HSPA8: variants seen among roughly 807,000 people sequenced by gnomAD.
The protein encoded by HSPA8 is heat shock cognate 71 kDa protein.
A neutral mutation model predicts 52.8 loss-of-function variants in HSPA8; 2 were observed. That is an observed-to-expected ratio of 0.04 (90% CI 0.02 to 0.12). The LOEUF is 0.12. Ranked by LOEUF, HSPA8 falls within the 10% of genes least tolerant of loss-of-function variation. The probability of loss-of-function intolerance (pLI) is 1.00; values close to 1 mark genes in which losing one functional copy is unlikely to be tolerated. For synonymous variants in HSPA8, 436 were observed against 274.0 expected, an observed-to-expected ratio of 1.59 and a Z score of -5.84; for missense variants, 349 against 800.5, an observed-to-expected ratio of 0.44 and a Z score of 6.81.
intron 5 of HSPA8, 55 bp from the exon 6 acceptor site, chr11:123,059,316 C>T: frequency 6.7e-7 from 1 of 1,494,970 alleles, no homozygotes; most frequent in Non-Finnish European, 9.3e-7. Context: ...CAGTACATAG[C>T]TCCTGTTTTA....
Position 123,060,215 on chromosome 11 carries a change from A to G in HSPA8, c.465T>C (p.Arg155=), listed in dbSNP as rs1382295901. The G allele has an allele frequency of 6.2e-7, 1 of 1,614,046 alleles. No individual in the cohort carries two copies. Among genetic ancestry groups the G allele is most frequent in the Non-Finnish European group, 8.5e-7 (1 of 1,179,958 alleles). ...TVPAYFNDSQ[R]QATKDAGTIA... is the part of the protein sequence containing the mutation. ...TAGTTCCAGCATCTTTGGTAGCCTG[A>G]CGCTGAGAGTCATTAAAGTAAGCTG... The change falls in exon 4 of 9, where the codon CGT becomes CGC. Residue 155 remains arginine (R), a synonymous_variant. Coordinates refer to ENST00000534624, the MANE Select transcript of HSPA8 (RefSeq NM_006597.6).
chr11:123,061,638 C>G, intron 1 of HSPA8: 1 of 417,492 alleles, frequency 2.4e-6, no homozygotes, highest in Non-Finnish European at 4.4e-6. Context: ...CCAGTGCCCC[C>G]GGGAGTCAAC....
At chr11:123,058,132 G>A (rs909445156) in intron 8 of HSPA8, 120 bp downstream of exon 8, 30 of 761,216 alleles carry the variant, frequency 3.9e-5, no homozygotes, top group Middle Eastern at 2.5e-4. Flanking sequence ...GGTGGAAACC[G>A]CGAATGTTTT....
At position 123,058,242 on chromosome 11, in the gene HSPA8, AAAC is replaced by A; in HGVS notation, c.1755+7_1755+9del. ...GTGGGGGAGGAAAAAAAAAAAAAAA[AAAC>A]ACAAACCTGATTCTTATCAAGCCAG... On this transcript the variant is annotated splice_region_variant and intron_variant, in intron 8 of 8. Transcript: ENST00000534624. The A allele has an allele frequency of 6.6e-7, 1 of 1,517,604 alleles. No individual in the cohort carries two copies. 94.0% of individuals were successfully genotyped at this position (1,517,604 alleles called of 1,614,324 possible). A position where few individuals can be genotyped will look rare whatever the true frequency, so the allele number is the denominator to read the frequency against.
At position 123,061,235 on chromosome 11, in the gene HSPA8, G is replaced by A; in HGVS notation, c.90C>T (p.Ala30=). ...GAGTGGTTCGGTTTCCCTGATCATT[G>A]GCAATTATCTCGACTTTTCCGTGCT... ...VFQHGKVEII[A]NDQGNRTTPS... Residue 30 remains alanine, a synonymous_variant, in exon 2 of 9, where the codon GCC becomes GCT. Coordinates refer to ENST00000534624, the MANE Select transcript of HSPA8 (RefSeq NM_006597.6). The A allele has an allele frequency of 1.9e-6, 3 of 1,613,810 alleles. No homozygotes were observed. The highest frequency in any genetic ancestry group is 1.7e-6 in the Non-Finnish European group (2 of 1,179,782).
intron 1 of HSPA8, 123 bp downstream of exon 1, chr11:123,061,938 TAGA>T (rs1360675856): frequency 2.6e-5 from 4 of 156,510 alleles, no homozygotes; most frequent in Non-Finnish European, 5.6e-5. Context: ...TTTAAGCCGG[TAGA>T]AGGAGCCGCA....
At chr11:123,062,400 A>G (rs1437946094), upstream of HSPA8, 4 of 152,360 alleles carry the variant, frequency 2.6e-5, no homozygotes, top group African/African-American at 9.7e-5. Flanking sequence ...GGCCCCGGGG[A>G]AAGGGAGGGT....
At chr11:123,061,088 A>G (rs1305573184) in intron 2 of HSPA8, 32 bp downstream of exon 2, 2 of 1,580,538 alleles carry the variant, frequency 1.3e-6, no homozygotes, top group South Asian at 1.1e-5. Flanking sequence ...GCCCTGTTAT[A>G]TTTGTTCTGT....
rs758117987 is a variant in HSPA8 at position 123,059,765 on chromosome 11, G to A, written c.828C>T (p.Ser276=). 5 of 1,613,914 alleles carry A rather than the reference G, an allele frequency of 3.1e-6. No homozygotes were observed. The highest frequency in any genetic ancestry group is 4.2e-6 in the Non-Finnish European group (5 of 1,179,872). ...CGATCTCAATACTGGCCTGGGTGCT[G>A]GAAGAGAGGGTACGCTTAGCACGTT... ...ACERAKRTLS[S]STQASIEIDS... is the part of the protein sequence containing the mutation. The change falls in exon 5 of 9, where the codon TCC becomes TCT. Residue 276 remains serine (S), a synonymous_variant. Transcript: ENST00000534624.
At position 123,059,529 on chromosome 11, in the gene HSPA8, T is replaced by C. The variant is rs1251414344; in HGVS notation, c.1064A>G (p.Asn355Ser). The change falls in exon 5 of 9, where the codon AAT becomes AGT. Residue 355 changes from asparagine to serine, a missense_variant. Asn to Ser is a conservative substitution (Grantham distance 46). Transcript: ENST00000534624. ...GATGCTCTTATTCAGTTCTTTTCCA[T>C]TGAAGAAGTCTTGGAGAAGCTTCTG... Reference protein sequence around the residue: ...KIQKLLQDFFNGKELNKSINP... With the variant: ...KIQKLLQDFFSGKELNKSINP... 3.1e-6 allele frequency: 5 copies of C among 1,614,122 alleles called. No homozygotes were observed. The highest frequency in any genetic ancestry group is 4.2e-6 in the Non-Finnish European group (5 of 1,179,988).
In HSPA8 at chr11:123,061,036, A is replaced by G. The variant is rs531573882; in HGVS notation, c.205+84T>C. The G allele has an allele frequency of 1.2e-3, 1,549 of 1,256,168 alleles. 9 individuals are homozygous for G. Among genetic ancestry groups the G allele is most frequent in the Middle Eastern group, 9.6e-4 (5 of 5,206 alleles). The allele number at this position is 1,256,168 out of a possible 1,614,324, so 77.8% of individuals were successfully genotyped here. A position where few individuals can be genotyped will look rare whatever the true frequency, so the allele number is the denominator to read the frequency against. On this transcript the variant is annotated intron_variant, in intron 2 of 8. Transcript: ENST00000534624. ...TCTCAGCTCAGTTTTTCTAAAATCA[A>G]AAAGTTCCCTCCTCACGTTTCATAA...
chr11:123,058,131 C>A (rs1865365482), intron 8 of HSPA8, 121 bp downstream of exon 8: 1 of 759,120 alleles, frequency 1.3e-6, no homozygotes, highest in African/African-American at 1.8e-5. Flanking sequence ...TGGTGGAAAC[C>A]GCGAATGTTT....
rs1434520321 is a variant in HSPA8, at chr11:123,057,672, G to A, written c.*62C>T. 20 of 1,368,186 alleles carry A rather than the reference G, an allele frequency of 1.5e-5. No individual in the cohort carries two copies. The highest frequency in any genetic ancestry group is 7.2e-5 in the East Asian group (3 of 41,544). 84.8% of individuals were successfully genotyped at this position (1,368,186 alleles called of 1,614,324 possible). Reference sequence around the variant, plus strand: ...TTAAAACTGCCACAGAATTTGCTACGAATTTAGGTCCTTCAAATGTTTTAA... The same window carrying A: ...TTAAAACTGCCACAGAATTTGCTACAAATTTAGGTCCTTCAAATGTTTTAA... On this transcript the variant is annotated 3_prime_UTR_variant, in exon 9 of 9. Coordinates refer to ENST00000534624, the MANE Select transcript of HSPA8 (RefSeq NM_006597.6).
intron 1 of HSPA8, 80 bp downstream of exon 1, chr11:123,061,984 A>G (rs1417993700): frequency 1.3e-5 from 2 of 155,648 alleles, no homozygotes; most frequent in Non-Finnish European, 2.8e-5. Flanking sequence ...AGAACCCCCA[A>G]GCCTCAGCAA....
In HSPA8 at chr11:123,058,369, G is replaced by A. The variant is rs1591435886; in HGVS notation, c.1638C>T (p.Ala546=). 6.2e-7 allele frequency: 1 copy of A among 1,612,852 alleles called. No homozygotes were observed. The highest frequency in any genetic ancestry group is 8.5e-7 in the Non-Finnish European group (1 of 1,178,922). Residue 546 remains alanine, a synonymous_variant, in exon 8 of 9, where the codon GCC becomes GCT. Transcript: ENST00000534624. Reference sequence around the variant, plus strand: ...CTTCAACAGTTGCTTTCATGTTGAAGGCATAGGACTCAAGTGAATTCTTGG... The same window carrying A: ...CTTCAACAGTTGCTTTCATGTTGAAAGCATAGGACTCAAGTGAATTCTTGG... The part of the protein sequence containing the change: ...VSSKNSLESY[A]FNMKATVEDE...
At chr11:123,059,396 A>T in intron 5 of HSPA8, 77 bp downstream of exon 5, 3 of 1,372,332 alleles carry the variant, frequency 2.2e-6, no homozygotes, top group South Asian at 1.3e-5. Context: ...GAAACTACGA[A>T]TGTTTAACAA....
Position 123,058,244 on chromosome 11 carries a change from A to AAAAAAC in HSPA8, c.1755+7_1755+8insGTTTTT. On this transcript the variant is annotated splice_region_variant and intron_variant, in intron 8 of 8. Transcript: ENST00000534624. ...GGGGGAGGAAAAAAAAAAAAAAAAA[A>AAAAAAC]CACAAACCTGATTCTTATCAAGCCA... 3 of 1,512,218 alleles carry AAAAAAC rather than the reference A, an allele frequency of 2.0e-6. No homozygotes were observed. The highest frequency in any genetic ancestry group is 1.2e-5 in the South Asian group (1 of 85,316). The allele number at this position is 1,512,218 out of a possible 1,614,324, so 93.7% of individuals were successfully genotyped here.
intron 1 of HSPA8, 87 bp from the exon 2 acceptor site, chr11:123,061,416 G>C: frequency 1.0e-6 from 1 of 996,234 alleles, no homozygotes; most frequent in Non-Finnish European, 1.5e-6. Context: ...CAGGAAAAAC[G>C]TATGGCCACT....
intron 4 of HSPA8, 28 bp downstream of exon 4, chr11:123,060,088 C>G: frequency 6.2e-7 from 1 of 1,614,034 alleles, no homozygotes; most frequent in Middle Eastern, 1.7e-4. Context: ...TTAAAATAAT[C>G]CGAACTTGCA....
Sources: gnomAD v4.1 joint callset for allele counts on GRCh38, gnomAD v4.1.1 for gene constraint, MANE v1.5 for transcripts, NCBI Gene and HGNC (gene_info 2026-07-23, HGNC 2026-07-21) for gene names.